The following KCNH5 variants were observed in gnomAD, a reference collection of about 807,000 sequenced individuals.
The protein encoded by KCNH5 is potassium voltage-gated channel subfamily H member 5.
In KCNH5, 46 loss-of-function variants were observed where a neutral mutation model predicts 96.1. The ratio of observed to expected loss-of-function variants is 0.48; its 90% confidence interval spans 0.38 to 0.61. The LOEUF (loss-of-function observed/expected upper bound fraction) is 0.61, where lower values mean the gene tolerates loss of function less well. KCNH5 is among the 20% of genes least tolerant of loss of function. The pLI is 0.00. For missense variants in KCNH5, 907 were observed against 1,225.8 expected, an observed-to-expected ratio of 0.74 and a Z score of 3.88; for synonymous variants, 439 against 449.8, an observed-to-expected ratio of 0.98 and a Z score of 0.30.
At chr14:62,783,276 G>T (rs561777938) in intron 9 of KCNH5, among the ~76,000 whole-genome samples, 2 of 152,124 alleles carry the variant, frequency 1.3e-5, no homozygotes, top group African/African-American at 4.8e-5. Context: ...ATGGAACAAT[G>T]TATGGTTTTT....
At chr14:62,734,813 A>G (rs1271098875) in intron 10 of KCNH5, among the ~76,000 whole-genome samples, 2 of 152,182 alleles carry the variant, frequency 1.3e-5, no homozygotes, top group Non-Finnish European at 2.9e-5. Context: ...ATCATAGCCA[A>G]AACTTAACAT....
intron 9 of KCNH5, among the ~76,000 whole-genome samples, chr14:62,797,997 A>G (rs1040994677): frequency 6.6e-6 from 1 of 152,168 alleles, no homozygotes; most frequent in Non-Finnish European, 1.5e-5. Context: ...GATTACAGGC[A>G]TGAGCCACCA....
At chr14:62,868,592 T>A (rs577639024) in intron 7 of KCNH5, among the ~76,000 whole-genome samples, 1 of 152,174 alleles carries the variant, frequency 6.6e-6, no homozygotes, top group African/African-American at 2.4e-5. Context: ...CTGGGACATA[T>A]GTGCTGAACG....
intron 8 of KCNH5, among the ~76,000 whole-genome samples, chr14:62,803,181 C>T (rs1201798696): frequency 1.6e-4 from 25 of 151,884 alleles, no homozygotes; most frequent in Admixed American, 1.6e-3. Flanking sequence ...TTGAGGTGGT[C>T]AAGAAGAGTC....
chr14:62,856,711 T>A (rs1887936686), intron 7 of KCNH5, among the ~76,000 whole-genome samples: 1 of 152,108 alleles, frequency 6.6e-6, no homozygotes, highest in African/African-American at 2.4e-5. Context: ...CTTCGCTGGA[T>A]GCTCTTTTGC....
At chr14:63,002,801 C>T (rs1891035467) in intron 3 of KCNH5, among the ~76,000 whole-genome samples, 1 of 152,100 alleles carries the variant, frequency 6.6e-6, no homozygotes, top group Admixed American at 6.5e-5. Flanking sequence ...CCCAGGGGGC[C>T]TATGGAAGGA....
intron 1 of KCNH5, among the ~76,000 whole-genome samples, chr14:63,039,192 G>C (rs925139488): frequency 2.0e-5 from 3 of 151,692 alleles, no homozygotes; most frequent in Non-Finnish European, 4.4e-5. Context: ...CCACCAAAAA[G>C]AAAAAAGAAT....
At chr14:62,728,479 T>G (rs1187063967) in intron 10 of KCNH5, among the ~76,000 whole-genome samples, 3 of 152,044 alleles carry the variant, frequency 2.0e-5, no homozygotes, top group Admixed American at 6.6e-5. Flanking sequence ...TAAGAAAGAT[T>G]ATTAATGGCT....
At chr14:62,738,976 G>C (rs760063430) in intron 10 of KCNH5, among the ~76,000 whole-genome samples, 109 of 152,230 alleles carry the variant, frequency 7.2e-4, no homozygotes, top group Non-Finnish European at 2.2e-4. Flanking sequence ...TCAACAGGCA[G>C]AGAAAGGGGG....
At chr14:62,829,654 T>C (rs1396756440) in intron 8 of KCNH5, among the ~76,000 whole-genome samples, 1 of 152,216 alleles carries the variant, frequency 6.6e-6, no homozygotes, top group Non-Finnish European at 1.5e-5. Flanking sequence ...GCTCTGGGCC[T>C]GGACCACTAA....
chr14:62,891,804 G>A (rs1888717319), intron 7 of KCNH5, among the ~76,000 whole-genome samples: 1 of 152,122 alleles, frequency 6.6e-6, no homozygotes, highest in Non-Finnish European at 1.5e-5. Context: ...TTTTTATGGT[G>A]ATCTATGATT....
chr14:62,970,289 G>GA (rs1890382433), intron 6 of KCNH5, among the ~76,000 whole-genome samples: 1 of 151,134 alleles, frequency 6.6e-6, no homozygotes, highest in Non-Finnish European at 1.5e-5. Context: ...ACCCACACAA[G>GA]AAAAAAAATA....
At chr14:62,788,913 C>G (rs1886374667) in intron 9 of KCNH5, among the ~76,000 whole-genome samples, 1 of 152,038 alleles carries the variant, frequency 6.6e-6, no homozygotes, top group Non-Finnish European at 1.5e-5. Context: ...ATTGGTGACT[C>G]TATTACAACA....
intron 7 of KCNH5, among the ~76,000 whole-genome samples, chr14:62,853,458 T>TATATATATATATATATATATATATATATA (rs1555360130): frequency 9.1e-5 from 4 of 43,982 alleles, no homozygotes; most frequent in Non-Finnish European, 1.8e-4. Context: ...AGAATAATCA[T>TATATATATATATATATATATATATATATA]ATATATATAT....
At chr14:62,776,460 T>G (rs1005296834) in intron 10 of KCNH5, among the ~76,000 whole-genome samples, 1 of 152,114 alleles carries the variant, frequency 6.6e-6, no homozygotes, top group Non-Finnish European at 1.5e-5. Context: ...TGGCCAGTAA[T>G]TTGATCATAC....
intron 7 of KCNH5, among the ~76,000 whole-genome samples, chr14:62,869,288 T>C (rs943241403): frequency 1.3e-5 from 2 of 152,244 alleles, no homozygotes; most frequent in African/African-American, 4.8e-5. Flanking sequence ...TAATGACCAG[T>C]GATGACTAGC....
chr14:63,037,855 C>T (rs1594687513), intron 1 of KCNH5, among the ~76,000 whole-genome samples: 1 of 152,174 alleles, frequency 6.6e-6, no homozygotes, highest in African/African-American at 2.4e-5. Context: ...AGGGATAAAA[C>T]TCACCATCAA....
intron 10 of KCNH5, among the ~76,000 whole-genome samples, chr14:62,766,210 C>T (rs1885856801): frequency 6.6e-6 from 1 of 152,136 alleles, no homozygotes; most frequent in Admixed American, 6.5e-5. Flanking sequence ...AACGGGACAT[C>T]TTGTGCACTG....
At chr14:62,871,622 G>A (rs541301153) in intron 7 of KCNH5, among the ~76,000 whole-genome samples, 1 of 152,306 alleles carries the variant, frequency 6.6e-6, no homozygotes, top group East Asian at 1.9e-4. Context: ...TGTTGATTCT[G>A]GGGAATGAGG....
Sources: allele counts gnomAD v4.1 joint callset (sites outside exome capture counted in the v4.1 genomes callset), GRCh38; gene constraint gnomAD v4.1.1; transcripts MANE v1.5; gene names NCBI Gene and HGNC (gene_info 2026-07-23, HGNC 2026-07-21).